Variants in TNFSF4 observed in about 807,000 individuals in gnomAD.
TNFSF4 encodes the protein TNF superfamily member 4, also known as tumor necrosis factor ligand superfamily member 4.
TNFSF4 carries 4 observed loss-of-function variants against 7.3 expected under a neutral mutation model. The observed-to-expected ratio is 0.55, with a 90% CI of 0.27 to 1.25. The LOEUF (loss-of-function observed/expected upper bound fraction) is 1.25, where lower values mean the gene tolerates loss of function less well. Among genes scored for constraint, TNFSF4 ranks in the 50% most tolerant of loss-of-function variants. The pLI is 0.12. For missense variants in TNFSF4, 181 were observed against 208.8 expected, an observed-to-expected ratio of 0.87 and a Z score of 0.82; for synonymous variants, 76 against 83.7, an observed-to-expected ratio of 0.91 and a Z score of 0.50.
At chr1:173,371,517 C>T in the TNFSF4 span, among the ~76,000 whole-genome samples, 1 of 151,800 alleles carries the variant, frequency 6.6e-6, no homozygotes, top group Non-Finnish European at 1.5e-5. Context: ...AGACCCCCCT[C>T]CTTTTCCTTA....
the TNFSF4 span, among the ~76,000 whole-genome samples, chr1:173,316,474 TA>T: frequency 6.6e-6 from 1 of 152,004 alleles, no homozygotes; most frequent in African/African-American, 2.4e-5. Context: ...TTTTTCCAAG[TA>T]AAAAAACTTT....
chr1:173,263,289 A>C, the TNFSF4 span, among the ~76,000 whole-genome samples: 1 of 152,224 alleles, frequency 6.6e-6, no homozygotes, highest in East Asian at 1.9e-4. Flanking sequence ...TTATTTTAAA[A>C]TAATATAGAA....
the TNFSF4 span, among the ~76,000 whole-genome samples, chr1:173,327,023 G>T: frequency 6.6e-6 from 1 of 152,122 alleles, no homozygotes; most frequent in Non-Finnish European, 1.5e-5. Flanking sequence ...CTACTTTAAA[G>T]TTCATATGGA....
the TNFSF4 span, among the ~76,000 whole-genome samples, chr1:173,219,693 CA>C: frequency 6.6e-6 from 1 of 152,062 alleles, no homozygotes; most frequent in African/African-American, 2.4e-5. Flanking sequence ...CACACACACA[CA>C]CACCATGCAA....
chr1:173,297,416 G>A, the TNFSF4 span, among the ~76,000 whole-genome samples: 1 of 151,968 alleles, frequency 6.6e-6, no homozygotes, highest in Non-Finnish European at 1.5e-5. Flanking sequence ...TAAAACAAAT[G>A]TACTGTTGGC....
At chr1:173,327,987 A>C in the TNFSF4 span, among the ~76,000 whole-genome samples, 2 of 152,220 alleles carry the variant, frequency 1.3e-5, no homozygotes, top group Non-Finnish European at 2.9e-5. Flanking sequence ...CATTTCACCC[A>C]GCAATCCCAT....
At chr1:173,243,334 C>A in the TNFSF4 span, among the ~76,000 whole-genome samples, 1 of 152,108 alleles carries the variant, frequency 6.6e-6, no homozygotes, top group Non-Finnish European at 1.5e-5. Context: ...CCCCCTTATC[C>A]CAACCAATCA....
the TNFSF4 span, among the ~76,000 whole-genome samples, chr1:173,433,029 T>C: frequency 6.6e-6 from 1 of 152,320 alleles, no homozygotes. Flanking sequence ...CATCTTAGCA[T>C]TGATTGGTAA....
the TNFSF4 span, among the ~76,000 whole-genome samples, chr1:173,360,633 G>A: frequency 6.6e-6 from 1 of 152,154 alleles, no homozygotes; most frequent in Non-Finnish European, 1.5e-5. Flanking sequence ...ACTTAGCTAT[G>A]GTACTGCAAG....
chr1:173,403,386 G>A, the TNFSF4 span, among the ~76,000 whole-genome samples: 2 of 152,172 alleles, frequency 1.3e-5, no homozygotes, highest in Admixed American at 1.3e-4. Context: ...TGCTCCAGGA[G>A]CTTTGCAACA....
the TNFSF4 span, among the ~76,000 whole-genome samples, chr1:173,342,897 A>C: frequency 8.6e-3 from 1,306 of 152,308 alleles, 15 homozygotes; most frequent in African/African-American, 0.029. Flanking sequence ...TAGAAGGGAG[A>C]AGGAAAGTTA....
At chr1:173,305,726 G>C in the TNFSF4 span, among the ~76,000 whole-genome samples, 96 of 151,456 alleles carry the variant, frequency 6.3e-4, no homozygotes, top group Non-Finnish European at 1.1e-3. Context: ...TTGACTCACA[G>C]TTTCACATGG....
the TNFSF4 span, among the ~76,000 whole-genome samples, chr1:173,429,272 G>C: frequency 1.3e-5 from 2 of 152,030 alleles, no homozygotes; most frequent in Non-Finnish European, 2.9e-5. Flanking sequence ...TTCCAAAAGA[G>C]AGAAAAGACT....
chr1:173,384,558 C>G, the TNFSF4 span, among the ~76,000 whole-genome samples: 1 of 152,128 alleles, frequency 6.6e-6, no homozygotes, highest in Non-Finnish European at 1.5e-5. Context: ...CTTCATGACC[C>G]TGACCCCCTC....
chr1:173,395,037 T>TAGATAGATAGATGATAGATA, the TNFSF4 span, among the ~76,000 whole-genome samples: 3 of 94,126 alleles, frequency 3.2e-5, no homozygotes, highest in Admixed American at 1.2e-4. Context: ...GATAGATAGA[T>TAGATAGATAGATGATAGATA]GATAGATAGA....
chr1:173,213,817 T>C, the TNFSF4 span, among the ~76,000 whole-genome samples: 1 of 152,210 alleles, frequency 6.6e-6, no homozygotes, highest in African/African-American at 2.4e-5. Flanking sequence ...CAACTGAGTA[T>C]AAATTAGAAT....
At chr1:173,375,492 G>C in the TNFSF4 span, among the ~76,000 whole-genome samples, 1 of 152,166 alleles carries the variant, frequency 6.6e-6, no homozygotes, top group Non-Finnish European at 1.5e-5. Flanking sequence ...CTTACAAGAG[G>C]ATTGTAAAAT....
the TNFSF4 span, among the ~76,000 whole-genome samples, chr1:173,259,733 A>G: frequency 6.6e-6 from 1 of 152,226 alleles, no homozygotes; most frequent in Non-Finnish European, 1.5e-5. Flanking sequence ...CCAAGCGGAG[A>G]AAAGAATCTC....
At chr1:173,368,359 C>A in the TNFSF4 span, among the ~76,000 whole-genome samples, 1 of 152,208 alleles carries the variant, frequency 6.6e-6, no homozygotes, top group South Asian at 2.1e-4. Flanking sequence ...AGCGAGACCA[C>A]AAAACCACCA....
Sources: gnomAD v4.1 joint callset for allele counts (sites outside exome capture counted in the v4.1 genomes callset) on GRCh38, gnomAD v4.1.1 for gene constraint, MANE v1.5 for transcripts, NCBI Gene and HGNC (gene_info 2026-07-23, HGNC 2026-07-21) for gene names.